Variants in MAST4 observed in about 807,000 individuals in gnomAD.
The protein encoded by MAST4 is microtubule associated serine/threonine kinase family member 4, also known as microtubule-associated serine/threonine-protein kinase 4.
MAST4 carries 89 observed loss-of-function variants against 162.7 expected under a neutral mutation model. The ratio of observed to expected loss-of-function variants is 0.55; its 90% confidence interval spans 0.46 to 0.65. The LOEUF (loss-of-function observed/expected upper bound fraction) is 0.65, where lower values mean the gene tolerates loss of function less well. Ranked by LOEUF, MAST4 falls within the 30% of genes least tolerant of loss-of-function variation. MAST4 has a pLI of 0.00. For missense variants in MAST4, 3,153 were observed against 3,374.0 expected (o/e 0.93, Z 1.62); for synonymous variants, 1,479 against 1,361.1 (o/e 1.09, Z -1.91).
intron 1 of MAST4, among the ~76,000 whole-genome samples, chr5:66,661,630 C>T (rs1746917749): frequency 1.3e-5 from 2 of 152,300 alleles, no homozygotes; most frequent in South Asian, 4.1e-4. Context: ...GTTTTCAGAT[C>T]TGCCTGTTCA....
At chr5:67,023,801 T>TG (rs1452277777) in intron 4 of MAST4, among the ~76,000 whole-genome samples, 2 of 152,052 alleles carry the variant, frequency 1.3e-5, no homozygotes, top group Non-Finnish European at 2.9e-5. Context: ...TATACCTCCT[T>TG]AGCTTATTCA....
chr5:66,823,236 C>A (rs28458262), intron 3 of MAST4, among the ~76,000 whole-genome samples: 1 of 152,162 alleles, frequency 6.6e-6, no homozygotes, highest in Non-Finnish European at 1.5e-5. Flanking sequence ...AAACCTGTTT[C>A]CTTTATAAAT....
intron 5 of MAST4, among the ~76,000 whole-genome samples, chr5:67,062,106 A>C (rs1759688452): frequency 6.6e-6 from 1 of 152,224 alleles, no homozygotes; most frequent in Non-Finnish European, 1.5e-5. Context: ...AATTCTCTTT[A>C]TAAGATGAGG....
chr5:66,900,039 A>G (rs1762911195), intron 4 of MAST4, 57 bp downstream of exon 4: 1 of 1,219,284 alleles, frequency 8.2e-7, no homozygotes. Context: ...AGTTTATAGT[A>G]TGATTCTTCT....
At chr5:67,009,967 A>T (rs1380170029) in intron 4 of MAST4, among the ~76,000 whole-genome samples, 4 of 152,208 alleles carry the variant, frequency 2.6e-5, no homozygotes, top group Admixed American at 2.6e-4. Flanking sequence ...GAAATATTCC[A>T]TGATGGCCCT....
intron 1 of MAST4, among the ~76,000 whole-genome samples, chr5:66,702,941 C>T (rs1164524912): frequency 1.3e-5 from 2 of 152,058 alleles, no homozygotes; most frequent in Admixed American, 6.5e-5. Context: ...GTGAAGATGC[C>T]CTTGTAGGAG....
chr5:66,934,270 G>A (rs966014957), intron 4 of MAST4, among the ~76,000 whole-genome samples: 5 of 139,748 alleles, frequency 3.6e-5, no homozygotes, highest in African/African-American at 1.0e-4. Context: ...AGTTATCATA[G>A]GCAATCTCAA....
intron 5 of MAST4, among the ~76,000 whole-genome samples, chr5:67,058,902 T>C (rs1759200810): frequency 6.6e-6 from 1 of 152,264 alleles, no homozygotes. Context: ...TCTATTGCTG[T>C]AGTAACAAAT....
chr5:66,676,880 T>C (rs1747982675), intron 1 of MAST4, among the ~76,000 whole-genome samples: 1 of 152,222 alleles, frequency 6.6e-6, no homozygotes, highest in South Asian at 2.1e-4. Context: ...CTTTAAAAGA[T>C]ATAAACAAGT....
At chr5:66,962,320 C>T (rs750634663) in intron 4 of MAST4, among the ~76,000 whole-genome samples, 16 of 152,160 alleles carry the variant, frequency 1.1e-4, no homozygotes, top group Non-Finnish European at 2.1e-4. Flanking sequence ...GGTGCATGCC[C>T]ATAGTTCTTG....
At chr5:66,677,947 TCAGTTTTTCTGG>T (rs1400718796) in intron 1 of MAST4, among the ~76,000 whole-genome samples, 3 of 152,088 alleles carry the variant, frequency 2.0e-5, no homozygotes, top group African/African-American at 4.8e-5. Context: ...CCCCTTAAGA[TCAGTTTTTCTGG>T]CAGTGGGACC....
chr5:67,111,839 T>C (rs1303655744), intron 11 of MAST4, among the ~76,000 whole-genome samples: 2 of 152,200 alleles, frequency 1.3e-5, no homozygotes, highest in African/African-American at 2.4e-5. Flanking sequence ...ACAAGTGAAC[T>C]TACAAGTAGC....
chr5:66,894,958 A>T (rs148498200), intron 3 of MAST4, among the ~76,000 whole-genome samples: 8 of 152,158 alleles, frequency 5.3e-5, no homozygotes, highest in Admixed American at 4.6e-4. Context: ...GTGAGGAGAG[A>T]TGAAGTGAAG....
At chr5:67,074,284 C>G (rs925360081) in intron 5 of MAST4, among the ~76,000 whole-genome samples, 1 of 151,862 alleles carries the variant, frequency 6.6e-6, no homozygotes, top group Admixed American at 6.6e-5. Flanking sequence ...TATTAAACAG[C>G]AAACATGGTA....
chr5:66,808,861 T>C (rs568172354), intron 3 of MAST4, among the ~76,000 whole-genome samples: 1 of 152,206 alleles, frequency 6.6e-6, no homozygotes, highest in Non-Finnish European at 1.5e-5. Context: ...CTGGAGGCGG[T>C]GCATGTGTCC....
intron 4 of MAST4, among the ~76,000 whole-genome samples, chr5:67,032,141 G>A (rs745784061): frequency 1.4e-4 from 21 of 152,078 alleles, no homozygotes; most frequent in Admixed American, 3.3e-4. Flanking sequence ...TTATCCTGCT[G>A]TACCTGTAAT....
At chr5:66,721,141 A>G (rs924237632) in intron 1 of MAST4, among the ~76,000 whole-genome samples, 2 of 152,140 alleles carry the variant, frequency 1.3e-5, no homozygotes, top group African/African-American at 4.8e-5. Flanking sequence ...GTCCACACAT[A>G]AGTATGCTGT....
intron 1 of MAST4, among the ~76,000 whole-genome samples, chr5:66,638,085 C>T (rs1172428392): frequency 6.6e-6 from 1 of 152,118 alleles, no homozygotes; most frequent in Non-Finnish European, 1.5e-5. Flanking sequence ...GTATCAAATA[C>T]CTCACATTAA....
intron 10 of MAST4, 58 bp downstream of exon 10, chr5:67,104,633 T>G (rs1186076944): frequency 2.1e-6 from 3 of 1,417,964 alleles, no homozygotes; most frequent in Non-Finnish European, 2.9e-6. Context: ...TGAAAAAAAT[T>G]TTTTTTTGCT....
Sources: gnomAD v4.1 joint callset for allele counts (sites outside exome capture counted in the v4.1 genomes callset) on GRCh38, gnomAD v4.1.1 for gene constraint, MANE v1.5 for transcripts, NCBI Gene and HGNC (gene_info 2026-07-23, HGNC 2026-07-21) for gene names.